PPFIBP2: variants seen among roughly 807,000 people sequenced by gnomAD.
PPFIBP2 encodes PPFIB scaffold protein 2, also known as liprin-beta-2.
Under a neutral mutation model 118.3 loss-of-function variants are expected in PPFIBP2, and 118 were observed. The ratio of observed to expected loss-of-function variants is 1.00; its 90% CI spans 0.86 to 1.16. PPFIBP2 has a LOEUF of 1.16. Ranked by LOEUF, PPFIBP2 falls within the 50% of genes most tolerant of loss-of-function variation. The probability of loss-of-function intolerance (pLI) is 0.00; values close to 1 mark genes in which losing one functional copy is unlikely to be tolerated. For missense variants in PPFIBP2, 1,195 were observed against 1,073.1 expected (o/e 1.11, Z -1.59); for synonymous variants, 414 against 397.4 (o/e 1.04, Z -0.50).
At chr11:7,526,242 G>A (rs1850213083) in intron 1 of PPFIBP2, among the ~76,000 whole-genome samples, 1 of 152,168 alleles carries the variant, frequency 6.6e-6, no homozygotes, top group Admixed American at 6.5e-5. Context: ...AAGGCTTTGT[G>A]GATCAACCAA....
chr11:7,625,232 A>T lies in PPFIBP2; in HGVS notation c.712-545A>T, dbSNP rs367618234. Among the ~76,000 whole-genome samples, 22 of 152,246 alleles carry T rather than the reference A, an allele frequency of 1.4e-4. No individual in the cohort carries two copies. In the East Asian group the frequency reaches 4.2e-3, roughly 29 times the overall value. ...GCCTGGAGGTTGGGCAGAGGCAGTG[A>T]CTGTACCCAAAGGGTAGGAGCGTGT... On this transcript the variant is annotated intron_variant, in intron 7 of 23. Transcript: ENST00000299492.
rs1049454734 is a variant in PPFIBP2, at chr11:7,616,485, G to A, written c.619-4450G>A. Among the ~76,000 whole-genome samples, 4 of 152,214 alleles carry A rather than the reference G, an allele frequency of 2.6e-5. No homozygotes were observed. The highest frequency in any genetic ancestry group is 2.9e-5 in the Non-Finnish European group (2 of 68,042). ...GAGTCTCGTCAGATTGGCCTTATCGGTTTGGCCGGGAATGTGTCGTGTGGT... is the reference window on the plus strand; with the variant it reads ...GAGTCTCGTCAGATTGGCCTTATCGATTTGGCCGGGAATGTGTCGTGTGGT... On this transcript the variant is annotated intron_variant, in intron 6 of 23. Coordinates refer to ENST00000299492, the MANE Select transcript of PPFIBP2 (RefSeq NM_003621.5). The surrounding 1 kb of genome is among the most constrained non-coding windows in gnomAD (Gnocchi z 5.2).
intron 1 of PPFIBP2, among the ~76,000 whole-genome samples, chr11:7,546,685 C>T (rs759286502): frequency 3.9e-5 from 6 of 152,218 alleles, no homozygotes; most frequent in Non-Finnish European, 7.3e-5. Context: ...GGTGCTCCTG[C>T]GTAATCTCAT....
chr11:7,542,494 C>T (rs1305181988), intron 1 of PPFIBP2, among the ~76,000 whole-genome samples: 4 of 152,146 alleles, frequency 2.6e-5, no homozygotes, highest in Admixed American at 2.6e-4. Flanking sequence ...CTTCACCTCC[C>T]CACCCCATTG....
At chr11:7,642,102 C>A in intron 16 of PPFIBP2, 196 bp from the exon 17 acceptor site, 2 of 586,672 alleles carry the variant, frequency 3.4e-6, no homozygotes, top group Non-Finnish European at 5.6e-6. Context: ...ATCCCAGAGG[C>A]AGGATCCGAA....
At chr11:7,601,511 T>C (rs1052824794) in intron 5 of PPFIBP2, among the ~76,000 whole-genome samples, 4 of 152,094 alleles carry the variant, frequency 2.6e-5, no homozygotes, top group Admixed American at 6.5e-5. Flanking sequence ...AAGCATCTCA[T>C]AGCTGTCGAC....
chr11:7,602,744 A>C (rs1183672148), intron 5 of PPFIBP2, among the ~76,000 whole-genome samples: 1 of 152,194 alleles, frequency 6.6e-6, no homozygotes, highest in Non-Finnish European at 1.5e-5. Context: ...TATCCTCCCT[A>C]CCGACCCAGA....
At chr11:7,593,042 C>T (rs1231532961) in intron 3 of PPFIBP2, 90 bp from the exon 4 acceptor site, 6 of 1,528,074 alleles carry the variant, frequency 3.9e-6, no homozygotes, top group South Asian at 1.3e-5. Flanking sequence ...ACTATCCTCA[C>T]AAATTACATG....
chr11:7,530,917 G>A (rs1850624611), intron 1 of PPFIBP2, among the ~76,000 whole-genome samples: 1 of 152,128 alleles, frequency 6.6e-6, no homozygotes, highest in African/African-American at 2.4e-5. Flanking sequence ...CTTTGATTCT[G>A]AGGAACTGTT....
rs1280171520 is a variant in PPFIBP2 at position 7,603,537 on chromosome 11, T to G, written c.486+5864T>G. The stretch of plus-strand genomic sequence containing the variant: ...TTTCATTCTGGTTTCAGGTTGCCAG[T>G]CTGGCTGCAGTCCTCTGTCATTGGT... On this transcript the variant is annotated intron_variant, in intron 5 of 23. Coordinates refer to ENST00000299492, the MANE Select transcript of PPFIBP2 (RefSeq NM_003621.5). Among the ~76,000 whole-genome samples the G allele has an allele frequency of 2.0e-5, 3 of 152,234 alleles. No homozygotes were observed. The East Asian group carries it at 5.8e-4, about 29-fold the overall frequency.
intron 5 of PPFIBP2, among the ~76,000 whole-genome samples, chr11:7,600,587 A>G (rs1341154856): frequency 6.6e-6 from 1 of 152,166 alleles, no homozygotes; most frequent in Admixed American, 6.5e-5. Context: ...AGCCTCAGAA[A>G]CCATTCCTGC....
intron 2 of PPFIBP2, among the ~76,000 whole-genome samples, chr11:7,559,784 A>G (rs1435435160): frequency 6.6e-6 from 1 of 152,006 alleles, no homozygotes; most frequent in Non-Finnish European, 1.5e-5. Context: ...CTCAAGCCCC[A>G]ATCTCGGTTC....
At chr11:7,639,016 C>T (rs1158088603) in intron 14 of PPFIBP2, among the ~76,000 whole-genome samples, 1 of 152,184 alleles carries the variant, frequency 6.6e-6, no homozygotes, top group African/African-American at 2.4e-5. Flanking sequence ...TTCATGCTTG[C>T]CTTAACATGA....
chr11:7,657,340 C>A (rs557176272), downstream of PPFIBP2, among the ~76,000 whole-genome samples: 1 of 152,108 alleles, frequency 6.6e-6, no homozygotes, highest in Non-Finnish European at 1.5e-5. Flanking sequence ...GCGGGTAAAG[C>A]AACGAGGCTC....
chr11:7,663,460 A>T, the PPFIBP2 span, among the ~76,000 whole-genome samples: 3 of 151,854 alleles, frequency 2.0e-5, no homozygotes, highest in Non-Finnish European at 2.9e-5. Context: ...TAGGCTGCTC[A>T]GGGGTCAGTG....
At chr11:7,663,438 G>A in the PPFIBP2 span, among the ~76,000 whole-genome samples, 12 of 152,006 alleles carry the variant, frequency 7.9e-5, no homozygotes, top group African/African-American at 2.4e-4. Flanking sequence ...CTGCTGGGGG[G>A]TGCCTCCCAG....
intron 1 of PPFIBP2, among the ~76,000 whole-genome samples, chr11:7,515,047 G>A (rs1049836154): frequency 1.3e-5 from 2 of 152,148 alleles, no homozygotes; most frequent in Non-Finnish European, 2.9e-5. Context: ...GTCAACTACA[G>A]AAAAGTAGTT....
chr11:7,589,522 G>A (rs1858843255), intron 3 of PPFIBP2, among the ~76,000 whole-genome samples: 2 of 152,052 alleles, frequency 1.3e-5, no homozygotes, highest in South Asian at 2.1e-4. Flanking sequence ...GAACCCAGGA[G>A]GCAGAGGTTG....
intron 5 of PPFIBP2, among the ~76,000 whole-genome samples, chr11:7,607,132 A>G (rs1847470764): frequency 6.7e-6 from 1 of 150,212 alleles, no homozygotes; most frequent in African/African-American, 2.4e-5. Flanking sequence ...GGATGGTCTC[A>G]ATCTCCTGAC....
Sources: gnomAD v4.1 joint callset for allele counts (sites outside exome capture counted in the v4.1 genomes callset) on GRCh38, gnomAD v4.1.1 for gene constraint, Gnocchi (gnomAD v3.1) non-coding constraint, MANE v1.5 for transcripts, NCBI Gene and HGNC (gene_info 2026-07-23, HGNC 2026-07-21) for gene names.